The following LAMA2 variants were observed in gnomAD, a reference collection of about 807,000 sequenced individuals.
LAMA2 encodes the protein laminin subunit alpha 2.
In LAMA2, 269 loss-of-function variants were observed where a neutral mutation model predicts 364.8. That is an observed-to-expected ratio of 0.74 (90% CI 0.67 to 0.82). The LOEUF (loss-of-function observed/expected upper bound fraction) is 0.82, where lower values mean the gene tolerates loss of function less well. Among genes scored for constraint, LAMA2 ranks in the 40% least tolerant of loss-of-function variants. LAMA2 has a pLI of 0.00. For synonymous variants in LAMA2, 1,379 were observed against 1,370.6 expected, an observed-to-expected ratio of 1.01 and a Z score of -0.14; for missense variants, 3,807 against 3,873.2, an observed-to-expected ratio of 0.98 and a Z score of 0.45.
chr6:128,995,024 A>C (rs1371394121), intron 1 of LAMA2, among the ~76,000 whole-genome samples: 3 of 152,126 alleles, frequency 2.0e-5, no homozygotes, highest in Non-Finnish European at 4.4e-5. Context: ...ATATACTGTG[A>C]TATACCATAT....
At chr6:129,139,382 G>A (rs575515720) in intron 4 of LAMA2, among the ~76,000 whole-genome samples, 1 of 152,130 alleles carries the variant, frequency 6.6e-6, no homozygotes, top group African/African-American at 2.4e-5. Context: ...CCGAACATGT[G>A]CAGACTTTTT....
intron 12 of LAMA2, among the ~76,000 whole-genome samples, chr6:129,205,681 A>C (rs1354967132): frequency 2.6e-5 from 4 of 151,992 alleles, no homozygotes; most frequent in Non-Finnish European, 5.9e-5. Context: ...AAAAGGAAGG[A>C]AGATTTTTGT....
Position 129,167,326 on chromosome 6 carries a change from A to C in LAMA2, c.1306+1651A>C, listed in dbSNP as rs1433380868. Among the ~76,000 whole-genome samples, 33 of 98,384 alleles carry C rather than the reference A, an allele frequency of 3.4e-4. 1 individual carries two copies. Among genetic ancestry groups the C allele is most frequent in the African/African-American group, 1.2e-4 (3 of 24,524 alleles). 64.5% of individuals were successfully genotyped at this position (98,384 alleles called of 152,430 possible). A position where few individuals can be genotyped will look rare whatever the true frequency, so the allele number is the denominator to read the frequency against. On this transcript the variant is annotated intron_variant, in intron 9 of 64. Coordinates refer to ENST00000421865, the MANE Select transcript of LAMA2 (RefSeq NM_000426.4). The stretch of plus-strand genomic sequence containing the variant: ...TCCCTCCCCCCTCCCCCCACCCCAC[A>C]ACAGTCCCCAGAGTGTGATATTCCC...
intron 35 of LAMA2, among the ~76,000 whole-genome samples, chr6:129,383,554 TTTTTCA>T (rs1365403627): frequency 6.6e-6 from 1 of 152,208 alleles, no homozygotes; most frequent in African/African-American, 2.4e-5. Context: ...ATTTAAAGTA[TTTTTCA>T]TTTTCAAGCA....
rs2114513943 is a variant in LAMA2, at chr6:129,320,634, C to T, written c.4155C>T (p.Gly1385=). The T allele has an allele frequency of 6.8e-6, 11 of 1,609,708 alleles. No homozygotes were observed. The highest frequency in any genetic ancestry group is 9.4e-6 in the Non-Finnish European group (11 of 1,176,036). The change falls in exon 28 of 65, where the codon GGC becomes GGT. Residue 1385 remains glycine (G), a synonymous_variant. Transcript: ENST00000421865. ...TTGAAAAATGTGATTGTCCCCTGGGCTATTCTGGCCTGTCCTGTGAGGTAA... is the reference window on the plus strand; with the variant it reads ...TTGAAAAATGTGATTGTCCCCTGGGTTATTCTGGCCTGTCCTGTGAGGTAA... ...DLIEKCDCPL[G]YSGLSCEACL... is the part of the protein sequence containing the mutation.
chr6:129,423,134 A>AT lies in LAMA2; in HGVS notation c.5866-4609dup, dbSNP rs528075450. Reference sequence around the variant, plus strand: ...CAAAGGCATTTGACAAAATGCGTCTATTTTTTTTTAAAAACTGCCTACTAA... The same window carrying AT: ...CAAAGGCATTTGACAAAATGCGTCTATTTTTTTTTTAAAAACTGCCTACTAA... On this transcript the variant is annotated intron_variant, in intron 40 of 64. Coordinates refer to ENST00000421865, the MANE Select transcript of LAMA2 (RefSeq NM_000426.4). 4.7e-3 allele frequency among the ~76,000 whole-genome samples: 710 copies of AT among 151,560 alleles called. 5 individuals are homozygous for AT. The highest frequency in any genetic ancestry group is 9.6e-3 in the South Asian group (46 of 4,810).
chr6:129,344,493 G>A (rs1583540579), intron 30 of LAMA2, among the ~76,000 whole-genome samples: 1 of 152,144 alleles, frequency 6.6e-6, no homozygotes, highest in Non-Finnish European at 1.5e-5. Context: ...TTTCAAATAG[G>A]TTCAGATTGA....
intron 27 of LAMA2, 133 bp from the exon 28 acceptor site, chr6:129,320,405 A>G: frequency 1.4e-6 from 1 of 723,210 alleles, no homozygotes; most frequent in Non-Finnish European, 2.5e-6. Context: ...TTTGTCAATT[A>G]AAAACAAAAA....
intron 3 of LAMA2, among the ~76,000 whole-genome samples, chr6:129,071,851 G>T (rs1256792240): frequency 4.6e-5 from 7 of 152,144 alleles, no homozygotes; most frequent in Non-Finnish European, 8.8e-5. Context: ...ATGTGGACCA[G>T]TTGCCCTGGC....
At chr6:129,376,888 A>C (rs1199119412) in intron 34 of LAMA2, among the ~76,000 whole-genome samples, 3 of 152,298 alleles carry the variant, frequency 2.0e-5, no homozygotes, top group Non-Finnish European at 2.9e-5. Context: ...TATAGACTCC[A>C]AATGGGCAAG....
At chr6:129,090,554 T>G (rs139235402) in intron 3 of LAMA2, among the ~76,000 whole-genome samples, 2,007 of 152,326 alleles carry the variant, frequency 0.013, 35 homozygotes, top group Non-Finnish European at 0.015. Context: ...AATAACATTT[T>G]AACTTCCTTG....
intron 29 of LAMA2, among the ~76,000 whole-genome samples, chr6:129,335,129 C>T (rs983642784): frequency 1.3e-5 from 2 of 152,148 alleles, no homozygotes; most frequent in Non-Finnish European, 2.9e-5. Flanking sequence ...CACCTTGTAA[C>T]TATGCTCTTC....
At chr6:129,308,005 A>T (rs1773985333) in intron 22 of LAMA2, among the ~76,000 whole-genome samples, 1 of 152,236 alleles carries the variant, frequency 6.6e-6, no homozygotes, top group African/African-American at 2.4e-5. Flanking sequence ...AACCACCTTC[A>T]CATGTATGAT....
intron 3 of LAMA2, among the ~76,000 whole-genome samples, chr6:129,077,701 G>A (rs535422562): frequency 5.3e-5 from 8 of 152,108 alleles, no homozygotes; most frequent in Non-Finnish European, 1.0e-4. Context: ...GAACCTCATA[G>A]GACTTCCAAA....
intron 22 of LAMA2, among the ~76,000 whole-genome samples, chr6:129,303,247 G>T (rs116945107): frequency 0.012 from 1,856 of 152,116 alleles, 25 homozygotes; most frequent in Admixed American, 0.019. Flanking sequence ...TAAATTGCTT[G>T]TTACTAGAAT....
chr6:129,495,880 C>T (rs1021393966), intron 58 of LAMA2, among the ~76,000 whole-genome samples: 58 of 151,378 alleles, frequency 3.8e-4, no homozygotes, highest in Non-Finnish European at 8.1e-4. Context: ...TCCATTTCCT[C>T]TCAGCAGTGT....
intron 32 of LAMA2, among the ~76,000 whole-genome samples, chr6:129,355,500 G>A (rs1777101259): frequency 6.6e-6 from 1 of 152,102 alleles, no homozygotes; most frequent in Non-Finnish European, 1.5e-5. Context: ...GTATCCTTAA[G>A]CTAAATTAGT....
chr6:129,401,841 C>CTAA (rs1554289747), intron 38 of LAMA2, among the ~76,000 whole-genome samples: 2 of 151,526 alleles, frequency 1.3e-5, no homozygotes, highest in African/African-American at 4.9e-5. Context: ...ATTTCCTAGT[C>CTAA]TATTCCATTA....
At chr6:129,244,647 G>A (rs993712686) in intron 12 of LAMA2, among the ~76,000 whole-genome samples, 3 of 152,020 alleles carry the variant, frequency 2.0e-5, no homozygotes, top group Non-Finnish European at 4.4e-5. Flanking sequence ...TCATGAAAAG[G>A]ATTTCCTCTC....
Sources: gnomAD v4.1 joint callset for allele counts (sites outside exome capture counted in the v4.1 genomes callset) on GRCh38, gnomAD v4.1.1 for gene constraint, MANE v1.5 for transcripts, NCBI Gene and HGNC (gene_info 2026-07-23, HGNC 2026-07-21) for gene names.